WWOX: variants seen among roughly 807,000 people sequenced by gnomAD.
WWOX encodes the protein WW domain-containing oxidoreductase.
In WWOX, 69 loss-of-function variants were observed where a neutral mutation model predicts 46.2. The ratio of observed to expected loss-of-function variants is 1.49; its 90% CI spans 1.23 to 1.82. The LOEUF (loss-of-function observed/expected upper bound fraction) is 1.82. Ranked by LOEUF, WWOX falls within the 40% of genes most tolerant of loss-of-function variation. The pLI is 0.00. For synonymous variants in WWOX, 359 were observed against 202.6 expected, an observed-to-expected ratio of 1.77 and a Z score of -6.56; for missense variants, 919 against 542.6, an observed-to-expected ratio of 1.69 and a Z score of -6.89.
intron 8 of WWOX, among the ~76,000 whole-genome samples, chr16:79,073,064 T>TAGGAA (rs2048581404): frequency 6.6e-6 from 1 of 152,074 alleles, no homozygotes; most frequent in Non-Finnish European, 1.5e-5. Flanking sequence ...TTGCAGAATC[T>TAGGAA]GTGTATTCAT....
At chr16:78,133,950 C>G (rs961605802) in intron 4 of WWOX, among the ~76,000 whole-genome samples, 6 of 152,176 alleles carry the variant, frequency 3.9e-5, no homozygotes, top group Admixed American at 3.9e-4. Flanking sequence ...TGCCTTCCAT[C>G]TTCTTAAGAG....
At chr16:78,469,852 A>G (rs978410681) in intron 8 of WWOX, among the ~76,000 whole-genome samples, 1 of 152,232 alleles carries the variant, frequency 6.6e-6, no homozygotes, top group Admixed American at 6.5e-5. Flanking sequence ...GTTATTTGCT[A>G]AACAGATCTA....
intron 8 of WWOX, among the ~76,000 whole-genome samples, chr16:79,042,359 G>A (rs1371714167): frequency 6.6e-6 from 1 of 152,182 alleles, no homozygotes; most frequent in Admixed American, 6.5e-5. Flanking sequence ...TTGTTGCCTA[G>A]CAGGGCCTGG....
chr16:79,138,741 C>A (rs1209979286), intron 8 of WWOX, among the ~76,000 whole-genome samples: 1 of 152,230 alleles, frequency 6.6e-6, no homozygotes, highest in East Asian at 1.9e-4. Flanking sequence ...GTTAATTAGA[C>A]TGTGAGTCTC....
At chr16:78,440,612 G>GTTTT (rs57345113) in intron 8 of WWOX, among the ~76,000 whole-genome samples, 5,660 of 144,600 alleles carry the variant, frequency 0.039, 224 homozygotes, top group African/African-American at 0.11. Flanking sequence ...AATTTCTGTA[G>GTTTT]TTTTTTTTTT....
intron 8 of WWOX, among the ~76,000 whole-genome samples, chr16:78,771,574 C>T (rs1375040451): frequency 6.6e-6 from 1 of 152,070 alleles, no homozygotes; most frequent in Non-Finnish European, 1.5e-5. Context: ...GAGTTCGAGA[C>T]CAGCCTGGCC....
chr16:79,063,863 C>T (rs749554254), intron 8 of WWOX, among the ~76,000 whole-genome samples: 21 of 152,176 alleles, frequency 1.4e-4, no homozygotes, highest in Non-Finnish European at 2.5e-4. Flanking sequence ...GCTGCTCTTC[C>T]TGAAATCAAT....
chr16:78,132,654 C>T (rs1260384104), intron 4 of WWOX, among the ~76,000 whole-genome samples: 1 of 152,154 alleles, frequency 6.6e-6, no homozygotes, highest in African/African-American at 2.4e-5. Context: ...GAGTGGCAGC[C>T]TTACCCATTT....
chr16:78,459,424 A>G (rs2083900328), intron 8 of WWOX, among the ~76,000 whole-genome samples: 1 of 152,216 alleles, frequency 6.6e-6, no homozygotes, highest in Non-Finnish European at 1.5e-5. Flanking sequence ...TTTCATCAAG[A>G]GAAGCAGCTT....
chr16:78,964,689 C>T (rs1000696034), intron 8 of WWOX, among the ~76,000 whole-genome samples: 6 of 152,194 alleles, frequency 3.9e-5, no homozygotes, highest in African/African-American at 9.7e-5. Flanking sequence ...ATGTTAATCT[C>T]GAAGACCATG....
intron 8 of WWOX, among the ~76,000 whole-genome samples, chr16:78,638,505 G>C (rs762195790): frequency 2.0e-5 from 3 of 152,048 alleles, no homozygotes; most frequent in Non-Finnish European, 2.9e-5. Context: ...GATAAGATCT[G>C]TCTGCACTCC....
chr16:78,990,711 A>AG (rs2046870987), intron 8 of WWOX, among the ~76,000 whole-genome samples: 1 of 151,524 alleles, frequency 6.6e-6, no homozygotes, highest in Non-Finnish European at 1.5e-5. Context: ...GGAAGAAGGA[A>AG]GGAGGAAGGA....
chr16:79,074,795 C>G (rs2048623327), intron 8 of WWOX, among the ~76,000 whole-genome samples: 1 of 151,998 alleles, frequency 6.6e-6, no homozygotes, highest in African/African-American at 2.4e-5. Context: ...AAATCAAATG[C>G]TGATGTAACC....
chr16:78,692,251 C>T (rs182581356), intron 8 of WWOX, among the ~76,000 whole-genome samples: 9 of 152,320 alleles, frequency 5.9e-5, no homozygotes, highest in Admixed American at 3.3e-4. Flanking sequence ...CCATTTCTCT[C>T]AATCTAATAG....
chr16:78,452,039 T>C (rs1437281653), intron 8 of WWOX, among the ~76,000 whole-genome samples: 6 of 152,252 alleles, frequency 3.9e-5, no homozygotes, highest in African/African-American at 1.4e-4. Context: ...ATATTCACCT[T>C]GTTCTCTGCA....
At chr16:78,673,965 A>G (rs960599392) in intron 8 of WWOX, among the ~76,000 whole-genome samples, 11 of 152,242 alleles carry the variant, frequency 7.2e-5, no homozygotes, top group Admixed American at 1.3e-4. Flanking sequence ...AATCAGAAAC[A>G]TGGAAAGTAC....
At chr16:78,882,734 C>T (rs2044369793) in intron 8 of WWOX, among the ~76,000 whole-genome samples, 1 of 152,028 alleles carries the variant, frequency 6.6e-6, no homozygotes, top group African/African-American at 2.4e-5. Flanking sequence ...AGTGATCCAC[C>T]CGCTTCAGCC....
chr16:78,207,799 C>G (rs1178749618), intron 5 of WWOX, among the ~76,000 whole-genome samples: 2 of 147,800 alleles, frequency 1.4e-5, no homozygotes, highest in Non-Finnish European at 3.0e-5. Context: ...ATCAACCATG[C>G]TTTTTTATTT....
At chr16:78,409,295 G>T (rs1024945837) in intron 6 of WWOX, among the ~76,000 whole-genome samples, 3 of 152,112 alleles carry the variant, frequency 2.0e-5, no homozygotes, top group African/African-American at 7.2e-5. Flanking sequence ...CAGTCATAGA[G>T]CTGCCATCAT....
Sources: gnomAD v4.1 joint callset for allele counts (sites outside exome capture counted in the v4.1 genomes callset) on GRCh38, gnomAD v4.1.1 for gene constraint, MANE v1.5 for transcripts, NCBI Gene and HGNC (gene_info 2026-07-23, HGNC 2026-07-21) for gene names.